The following NLN variants were observed in gnomAD, a reference collection of about 807,000 sequenced individuals.
NLN encodes the protein neurolysin, also known as neurolysin, mitochondrial.
In NLN, 64 loss-of-function variants were observed where a neutral mutation model predicts 79.9. That is an observed-to-expected ratio of 0.80 (90% CI 0.65 to 0.99). The LOEUF (loss-of-function observed/expected upper bound fraction) is 0.99, where lower values mean the gene tolerates loss of function less well. Among genes scored for constraint, NLN ranks in the 50% least tolerant of loss-of-function variants. The pLI is 0.00. For missense variants in NLN, 835 were observed against 858.7 expected (o/e 0.97, Z 0.34); for synonymous variants, 267 against 296.6 (o/e 0.90, Z 1.02).
chr5:65,739,527 C>T (rs1392719937), intron 1 of NLN, among the ~76,000 whole-genome samples: 1 of 152,144 alleles, frequency 6.6e-6, no homozygotes, highest in Middle Eastern at 3.4e-3. Flanking sequence ...AAGATATATT[C>T]CCAGTAGTGG....
At chr5:65,771,739 G>A (rs112321726) in intron 3 of NLN, among the ~76,000 whole-genome samples, 26 of 152,100 alleles carry the variant, frequency 1.7e-4, no homozygotes, top group African/African-American at 6.3e-4. Flanking sequence ...AGAACCGACC[G>A]GGTATAGTGG....
chr5:65,773,486 A>G (rs961172101), intron 3 of NLN, among the ~76,000 whole-genome samples: 1 of 152,174 alleles, frequency 6.6e-6, no homozygotes, highest in Non-Finnish European at 1.5e-5. Flanking sequence ...TAATCTCCAT[A>G]GTTCTTTTAA....
chr5:65,752,510 G>A lies in NLN; in HGVS notation c.42-6057G>A, dbSNP rs573707774. 1.1e-4 allele frequency among the ~76,000 whole-genome samples: 16 copies of A among 152,336 alleles called. 1 individual carries two copies. In the South Asian group the frequency reaches 1.2e-3, roughly 12 times the overall value. ...TGTAGCTCTCACTTGCAAAAAGTCAGAGAAAAATCTTCACCAGGTTCTCAA... is the reference window on the plus strand; with the variant it reads ...TGTAGCTCTCACTTGCAAAAAGTCAAAGAAAAATCTTCACCAGGTTCTCAA... On this transcript the variant is annotated intron_variant, in intron 1 of 12. Coordinates refer to ENST00000380985, the MANE Select transcript of NLN (RefSeq NM_020726.5).
At chr5:65,753,458 G>A (rs982251152) in intron 1 of NLN, among the ~76,000 whole-genome samples, 1 of 152,062 alleles carries the variant, frequency 6.6e-6, no homozygotes, top group Non-Finnish European at 1.5e-5. Flanking sequence ...AGACCAGCCT[G>A]GCCAACATGG....
chr5:65,790,954 C>T (rs1760044634), intron 8 of NLN, among the ~76,000 whole-genome samples: 1 of 152,204 alleles, frequency 6.6e-6, no homozygotes, highest in African/African-American at 2.4e-5. Flanking sequence ...ACTGAGAGAT[C>T]TGGTCATTGC....
At chr5:65,780,112 C>T in intron 4 of NLN, 67 bp from the exon 5 acceptor site, 1 of 713,978 alleles carries the variant, frequency 1.4e-6, no homozygotes, top group Non-Finnish European at 2.5e-6. Flanking sequence ...AGGTGTGGGC[C>T]ACCGTGCCTG....
chr5:65,788,483 A>G lies in NLN; in HGVS notation c.1324A>G (p.Arg442Gly), dbSNP rs750979857. Residue 442 changes from arginine (R) to glycine (G), a missense_variant and splice_region_variant, in exon 8 of 13, where the codon AGG (arginine) becomes GGG (glycine). By Grantham distance (125) the Arg-to-Gly change is moderately radical (BLOSUM62 -2). Transcript: ENST00000380985. The part of the protein sequence containing the change: ...LGQFYLDLYP[R>G]EGKYNHAACF... ...ACAGTTCTATTTGGACCTCTATCCA[A>G]GGTACTGAGGATCACGTTGTTGGAA... 2.6e-5 allele frequency: 42 copies of G among 1,609,806 alleles called. No individual in the cohort carries two copies. The highest frequency in any genetic ancestry group is 3.6e-5 in the Non-Finnish European group (42 of 1,176,708).
At chr5:65,739,433 T>A (rs1365868566) in intron 1 of NLN, among the ~76,000 whole-genome samples, 1 of 152,174 alleles carries the variant, frequency 6.6e-6, no homozygotes, top group African/African-American at 2.4e-5. Context: ...TGGACACAAG[T>A]TGATTCTATG....
chr5:65,802,087 C>T (rs773631353), intron 9 of NLN, among the ~76,000 whole-genome samples: 2 of 152,210 alleles, frequency 1.3e-5, no homozygotes, highest in African/African-American at 4.8e-5. Context: ...CTTGGGGTGT[C>T]GCATCACCAG....
At chr5:65,801,227 A>G (rs1760279340) in intron 9 of NLN, among the ~76,000 whole-genome samples, 1 of 152,224 alleles carries the variant, frequency 6.6e-6, no homozygotes, top group East Asian at 1.9e-4. Context: ...CATGGCCCAT[A>G]AGCAACTATT....
In NLN at chr5:65,785,823, G is replaced by A. The variant is rs574227814; in HGVS notation, c.871G>A (p.Ala291Thr). 5 of 1,613,660 alleles carry A rather than the reference G, an allele frequency of 3.1e-6. No homozygotes were observed. The South Asian group carries it at 5.5e-5, about 18-fold the overall frequency. Reference sequence around the variant, plus strand: ...GCTACTCCCACTGCGAACCAAGGTGGCCAAACTACTCGGTTATAGCACACA... The same window carrying A: ...GCTACTCCCACTGCGAACCAAGGTGACCAAACTACTCGGTTATAGCACACA... ...QQLLPLRTKV[A>T]KLLGYSTHAD... Residue 291 changes from alanine (A) to threonine (T), a missense_variant, in exon 7 of 13, where the codon GCC becomes ACC. Ala to Thr is a moderately conservative substitution (Grantham distance 58). Transcript: ENST00000380985.
At position 65,763,097 on chromosome 5, in the gene NLN, G is replaced by A. The variant is rs145570663; in HGVS notation, c.439G>A (p.Val147Ile). ...SMRGDIFERI[V>I]HLQETCDLGK... ...GAGAGGAGATATATTTGAGAGAATT[G>A]TTCATTTACAGGTAAGTGGTGTTAT... Residue 147 changes from valine to isoleucine, a missense_variant, in exon 3 of 13, where the codon GTT becomes ATT. Val to Ile is a conservative substitution (Grantham distance 29, BLOSUM62 3). Transcript: ENST00000380985. 4.2e-5 allele frequency: 68 copies of A among 1,613,316 alleles called. No homozygotes were observed. Among genetic ancestry groups the A allele is most frequent in the Non-Finnish European group, 5.7e-5 (67 of 1,179,636 alleles).
intron 1 of NLN, among the ~76,000 whole-genome samples, chr5:65,737,359 C>T (rs1758750080): frequency 6.6e-6 from 1 of 152,134 alleles, no homozygotes; most frequent in East Asian, 1.9e-4. Context: ...CAGACCCCTA[C>T]TAAATTCTTT....
rs1760894567 is a variant in NLN, at chr5:65,825,316, A to C, written c.*2401A>C. 1 of 152,122 alleles carries C rather than the reference A, an allele frequency of 6.6e-6. No homozygotes were observed. Among genetic ancestry groups the C allele is most frequent in the African/African-American group, 2.4e-5 (1 of 41,408 alleles). 9.4% of individuals were successfully genotyped at this position (152,122 alleles called of 1,614,324 possible). A position where few individuals can be genotyped will look rare whatever the true frequency, so the allele number is the denominator to read the frequency against. ...GTAAATTGTAATTGGACAAATGTAC[A>C]CTTTAGATTTATGGACTGAGCCACA... On this transcript the variant is annotated 3_prime_UTR_variant, in exon 13 of 13. Coordinates refer to ENST00000380985, the MANE Select transcript of NLN (RefSeq NM_020726.5).
chr5:65,790,520 CAG>C (rs1233598002), intron 8 of NLN, among the ~76,000 whole-genome samples: 1 of 152,198 alleles, frequency 6.6e-6, no homozygotes, highest in Middle Eastern at 3.2e-3. Flanking sequence ...GCCAAGCCAA[CAG>C]GGGAAAGCCC....
intron 3 of NLN, among the ~76,000 whole-genome samples, chr5:65,765,570 A>G (rs1282580055): frequency 6.6e-6 from 1 of 151,904 alleles, no homozygotes; most frequent in Non-Finnish European, 1.5e-5. Context: ...TTAGCTGAGC[A>G]TGGTGGTAAG....
Position 65,758,773 on chromosome 5 carries a change from TA to T in NLN, c.250del (p.Thr84LeufsTer12). Reference protein sequence around the residue: ...DAVGMLGIEEVTYENCLQALA... With the variant: ...DAVGMLGIEEXTYENCLQALA... ...GTTGGAATGCTCGGTATTGAGGAAG[TA>T]ACTTACGAGAACTGTCTGCAGGCAC... On this transcript the variant is annotated frameshift_variant, in exon 2 of 13. Coordinates refer to ENST00000380985, the MANE Select transcript of NLN (RefSeq NM_020726.5). LOFTEE classifies it high-confidence loss of function. The T allele has an allele frequency of 1.9e-6, 3 of 1,613,826 alleles. No individual in the cohort carries two copies. The highest frequency in any genetic ancestry group is 2.5e-6 in the Non-Finnish European group (3 of 1,179,768).
At position 65,824,437 on chromosome 5, in the gene NLN, CA is replaced by C. The variant is rs149227729; in HGVS notation, c.*1523del. 0.11 allele frequency: 16,536 copies of C among 152,158 alleles called. 1,294 individuals carry two copies. Among genetic ancestry groups the C allele is most frequent in the African/African-American group, 0.22 (9,224 of 41,468 alleles). 9.4% of individuals were successfully genotyped at this position (152,158 alleles called of 1,614,324 possible). A position where few individuals can be genotyped will look rare whatever the true frequency, so the allele number is the denominator to read the frequency against. On this transcript the variant is annotated 3_prime_UTR_variant, in exon 13 of 13. Transcript: ENST00000380985. ...ATAATTTGCCCAGCCCTTCTCTTCCCACACACTCACTCAATGTCACCCCCTT... is the reference window on the plus strand; with the variant it reads ...ATAATTTGCCCAGCCCTTCTCTTCCCCACACTCACTCAATGTCACCCCCTT...
chr5:65,745,043 A>G (rs1439387056), intron 1 of NLN, among the ~76,000 whole-genome samples: 1 of 152,138 alleles, frequency 6.6e-6, no homozygotes, highest in Non-Finnish European at 1.5e-5. Context: ...CTGGAAAAAA[A>G]TGAGACCTGG....
Sources: allele counts gnomAD v4.1 joint callset (sites outside exome capture counted in the v4.1 genomes callset), GRCh38; gene constraint gnomAD v4.1.1; transcripts MANE v1.5; gene names NCBI Gene and HGNC (gene_info 2026-07-23, HGNC 2026-07-21).